The following DNM3 variants were observed in gnomAD, a reference collection of about 807,000 sequenced individuals.
DNM3 encodes the protein dynamin 3.
A neutral mutation model predicts 101.6 loss-of-function variants in DNM3; 47 were observed. That is an observed-to-expected ratio of 0.46 (90% CI 0.37 to 0.59). The LOEUF is 0.59. Ranked by LOEUF, DNM3 falls within the 20% of genes least tolerant of loss-of-function variation. DNM3 has a pLI of 0.00. For synonymous variants in DNM3, 385 were observed against 387.9 expected (o/e 0.99, Z 0.09); for missense variants, 849 against 1,085.7 (o/e 0.78, Z 3.06).
chr1:172,367,902 T>C (rs976978749), intron 17 of DNM3, among the ~76,000 whole-genome samples: 9 of 151,708 alleles, frequency 5.9e-5, no homozygotes, highest in Non-Finnish European at 1.0e-4. Flanking sequence ...ATGGGGGTGG[T>C]TTCCCCCATG....
At chr1:172,313,814 T>C (rs746050440) in intron 16 of DNM3, among the ~76,000 whole-genome samples, 2 of 152,168 alleles carry the variant, frequency 1.3e-5, no homozygotes, top group African/African-American at 2.4e-5. Context: ...ATTTTTATTA[T>C]ACTTTAAGTT....
intron 20 of DNM3, among the ~76,000 whole-genome samples, chr1:172,395,492 G>A (rs991035182): frequency 5.9e-5 from 9 of 152,044 alleles, no homozygotes; most frequent in Admixed American, 3.3e-4. Context: ...TTTAAATAAC[G>A]TTTACTAGAG....
At chr1:172,268,367 CT>C (rs1481283262) in intron 15 of DNM3, among the ~76,000 whole-genome samples, 2 of 151,136 alleles carry the variant, frequency 1.3e-5, no homozygotes, top group African/African-American at 4.9e-5. Context: ...TGTTCTTTTC[CT>C]TTGTTCTAGT....
At chr1:172,103,833 T>C (rs2054824614) in intron 13 of DNM3, among the ~76,000 whole-genome samples, 1 of 152,162 alleles carries the variant, frequency 6.6e-6, no homozygotes, top group Non-Finnish European at 1.5e-5. Flanking sequence ...AAACCCCATC[T>C]CTACTAAAAA....
At chr1:172,160,940 A>T (rs1043068288) in intron 14 of DNM3, among the ~76,000 whole-genome samples, 1 of 151,974 alleles carries the variant, frequency 6.6e-6, no homozygotes, top group Non-Finnish European at 1.5e-5. Context: ...TGGTACCACC[A>T]TTGTATATGC....
At chr1:171,944,112 A>G (rs1451123428) in intron 2 of DNM3, among the ~76,000 whole-genome samples, 1 of 152,166 alleles carries the variant, frequency 6.6e-6, no homozygotes, top group Non-Finnish European at 1.5e-5. Flanking sequence ...GAAAGCAGCC[A>G]CAGACAATAT....
At chr1:172,144,517 C>T (rs370632146) in intron 14 of DNM3, 1 of 456,236 alleles carries the variant, frequency 2.2e-6, no homozygotes, top group South Asian at 1.8e-5. Context: ...CCATTTTGTC[C>T]CCAGCGGTCC....
chr1:171,946,004 G>T (rs1261366865), intron 2 of DNM3, among the ~76,000 whole-genome samples: 1 of 152,150 alleles, frequency 6.6e-6, no homozygotes, highest in African/African-American at 2.4e-5. Context: ...GGTGCCTTGC[G>T]CAGCTGGAGA....
intron 15 of DNM3, among the ~76,000 whole-genome samples, chr1:172,307,330 C>A (rs1018272704): frequency 2.0e-5 from 3 of 152,206 alleles, no homozygotes; most frequent in African/African-American, 7.2e-5. Flanking sequence ...GATGAGATAA[C>A]ATCTTACACC....
chr1:171,943,591 A>C (rs1243616796), intron 2 of DNM3, among the ~76,000 whole-genome samples: 1 of 152,204 alleles, frequency 6.6e-6, no homozygotes, highest in Non-Finnish European at 1.5e-5. Context: ...ATCAATTGCC[A>C]ATGGGGAAAT....
chr1:171,855,520 C>T (rs987885949), intron 1 of DNM3, among the ~76,000 whole-genome samples: 7 of 152,310 alleles, frequency 4.6e-5, no homozygotes, highest in Admixed American at 3.9e-4. Context: ...TACCATTTCT[C>T]CATATCTTTG....
intron 2 of DNM3, among the ~76,000 whole-genome samples, chr1:171,931,383 G>A (rs574936527): frequency 6.6e-6 from 1 of 152,264 alleles, no homozygotes; most frequent in African/African-American, 2.4e-5. Context: ...TTTGAAAAAA[G>A]TAAATTATTT....
intron 1 of DNM3, among the ~76,000 whole-genome samples, chr1:171,866,122 C>T (rs889967695): frequency 6.6e-6 from 1 of 152,056 alleles, no homozygotes; most frequent in African/African-American, 2.4e-5. Context: ...CAGCTCAGAG[C>T]TTACTTTCCT....
chr1:171,888,970 C>T (rs1484321032), intron 1 of DNM3, among the ~76,000 whole-genome samples: 1 of 152,042 alleles, frequency 6.6e-6, no homozygotes, highest in Non-Finnish European at 1.5e-5. Context: ...TATTTACTTA[C>T]GAATGATTTT....
At chr1:172,239,493 C>T (rs913286010) in intron 14 of DNM3, among the ~76,000 whole-genome samples, 4 of 152,096 alleles carry the variant, frequency 2.6e-5, no homozygotes, top group African/African-American at 7.2e-5. Context: ...GAAGAGAAAT[C>T]GAGGAACTTA....
chr1:172,380,319 T>G (rs528268161), intron 18 of DNM3, among the ~76,000 whole-genome samples: 2 of 152,224 alleles, frequency 1.3e-5, no homozygotes, highest in East Asian at 3.9e-4. Context: ...AAATAGCCCT[T>G]GTTCATATTT....
At chr1:171,980,151 C>CTTATTTCCTT (rs2044681981) in intron 2 of DNM3, among the ~76,000 whole-genome samples, 1 of 138,354 alleles carries the variant, frequency 7.2e-6, no homozygotes, top group African/African-American at 2.7e-5. Flanking sequence ...TTTAGATTTC[C>CTTATTTCCTT]TTTTTTTTTT....
At chr1:172,266,135 A>G (rs2062849438) in intron 15 of DNM3, among the ~76,000 whole-genome samples, 1 of 152,152 alleles carries the variant, frequency 6.6e-6, no homozygotes. Context: ...CTTTATTTGC[A>G]TTGTTGAGTA....
At chr1:172,049,510 A>G (rs2050055705) in intron 10 of DNM3, among the ~76,000 whole-genome samples, 2 of 152,160 alleles carry the variant, frequency 1.3e-5, no homozygotes, top group Non-Finnish European at 2.9e-5. Context: ...GTGCTGGGGC[A>G]AGACTTCCCA....
Sources: gnomAD v4.1 joint callset for allele counts (sites outside exome capture counted in the v4.1 genomes callset) on GRCh38, gnomAD v4.1.1 for gene constraint, MANE v1.5 for transcripts, NCBI Gene and HGNC (gene_info 2026-07-23, HGNC 2026-07-21) for gene names.